Variants in UTP14A observed in about 807,000 individuals in gnomAD.
The protein encoded by UTP14A is U3 small nucleolar RNA-associated protein 14 homolog A.
In UTP14A, 5 loss-of-function variants were observed where a neutral mutation model predicts 57.2. The ratio of observed to expected loss-of-function variants is 0.09; its 90% CI spans 0.05 to 0.18. The LOEUF (loss-of-function observed/expected upper bound fraction) is 0.18. Ranked by LOEUF, UTP14A falls within the 10% of genes least tolerant of loss-of-function variation. The pLI, the probability that UTP14A is intolerant of heterozygous loss-of-function variation, is 1.00. For synonymous variants in UTP14A, 169 were observed against 210.9 expected (o/e 0.80, Z 1.72); for missense variants, 430 against 562.1 (o/e 0.76, Z 2.38).
At chrX:129,926,378 C>A in intron 14 of UTP14A, 39 bp downstream of exon 14, 1 of 1,119,369 alleles carries the variant, frequency 8.9e-7, no homozygotes, top group Non-Finnish European at 1.2e-6. Context: ...CTGCTTGTTA[C>A]TGCCTGGCTC....
chrX:129,913,061 T>C (rs892253611), intron 6 of UTP14A, among the ~76,000 whole-genome samples: 1 of 111,781 alleles, frequency 8.9e-6, no homozygotes, highest in East Asian at 2.8e-4. Context: ...ACTTTTCCAA[T>C]ACACCATTGG....
In UTP14A at chrX:129,921,796, G is replaced by A. The variant is rs1929927232; in HGVS notation, c.1348+209G>A. On this transcript the variant is annotated intron_variant, in intron 11 of 14. Coordinates refer to ENST00000394422, the MANE Select transcript of UTP14A (RefSeq NM_006649.4). ...TTAATAAGCAGTCATCTGCATGGCC[G>A]TGCAACGTGGTTCAGGCACATTTTC... 2.4e-5 allele frequency: 10 copies of A among 408,263 alleles called. No homozygotes were observed. In the South Asian group the frequency reaches 3.0e-4, roughly 12 times the overall value. 33.6% of individuals were successfully genotyped at this position (408,263 alleles called of 1,213,427 possible).
At chrX:129,908,855 C>A in intron 4 of UTP14A, 121 bp downstream of exon 4, 1 of 636,761 alleles carries the variant, frequency 1.6e-6, no homozygotes, top group Non-Finnish European at 2.5e-6. Flanking sequence ...CCATAAATAC[C>A]TGGGAGAGTG....
At chrX:129,925,847 C>T (rs1431577669) in intron 12 of UTP14A, 72 bp from the exon 13 acceptor site, 11 of 1,160,288 alleles carry the variant, frequency 9.5e-6, no homozygotes, top group African/African-American at 5.3e-5. Context: ...TGTCACGACC[C>T]GAAATTCAAG....
intron 6 of UTP14A, among the ~76,000 whole-genome samples, chrX:129,918,561 A>C (rs1386824836): frequency 8.9e-6 from 1 of 111,760 alleles, no homozygotes; most frequent in African/African-American, 3.3e-5. Flanking sequence ...GATTCTTAAG[A>C]GAATGGAAAT....
intron 14 of UTP14A, among the ~76,000 whole-genome samples, chrX:129,928,538 G>C (rs1313136167): frequency 9.1e-6 from 1 of 109,641 alleles, no homozygotes; most frequent in East Asian, 2.9e-4. Flanking sequence ...GGTGGATCAC[G>C]AGGTCAGGAG....
chrX:129,907,090 G>C (rs1303046862), intron 1 of UTP14A, among the ~76,000 whole-genome samples: 6 of 108,980 alleles, frequency 5.5e-5, no homozygotes, highest in African/African-American at 2.0e-4. Context: ...TTTGAAGTCA[G>C]GCATCACTCT....
intron 6 of UTP14A, among the ~76,000 whole-genome samples, chrX:129,916,518 C>G (rs1826317271): frequency 9.0e-6 from 1 of 111,602 alleles, no homozygotes; most frequent in Admixed American, 9.6e-5. Context: ...CCCTCTCCGC[C>G]AGCTTATACA....
intron 14 of UTP14A, 71 bp downstream of exon 14, chrX:129,926,410 T>G (rs889639716): frequency 1.1e-6 from 1 of 907,102 alleles, no homozygotes. Flanking sequence ...AGGAGTATTC[T>G]AGTGATCTGT....
chrX:129,916,141 A>AG (rs1432128084), intron 6 of UTP14A, among the ~76,000 whole-genome samples: 2 of 109,390 alleles, frequency 1.8e-5, no homozygotes, highest in Non-Finnish European at 3.8e-5. Flanking sequence ...TTTTTAGTAG[A>AG]GACGGGGTTT....
chrX:129,922,499 T>G (rs1459470944), intron 11 of UTP14A: 1 of 111,721 alleles, frequency 9.0e-6, no homozygotes, highest in Non-Finnish European at 1.9e-5. Context: ...CATACCTTAC[T>G]GCAGCCTAAG....
chrX:129,906,258 G>A, intron 1 of UTP14A, 22 bp downstream of exon 1: 2 of 1,195,860 alleles, frequency 1.7e-6, no homozygotes, highest in East Asian at 3.0e-5. Context: ...CGAGGGGAGG[G>A]GGGATTCTGG....
Position 129,919,413 on chromosome X carries a change from G to C in UTP14A, c.676G>C (p.Glu226Gln). 1 of 1,212,027 alleles carries C rather than the reference G, an allele frequency of 8.3e-7. No homozygotes were observed. Among genetic ancestry groups the C allele is most frequent in the Non-Finnish European group, 1.1e-6 (1 of 895,600 alleles). Residue 226 changes from glutamate to glutamine, a missense_variant, in exon 8 of 15, where the codon GAG (glutamate) becomes CAG (glutamine). Physicochemically the swap from Glu to Gln is conservative, Grantham distance 29. Coordinates refer to ENST00000394422, the MANE Select transcript of UTP14A (RefSeq NM_006649.4). The stretch of plus-strand genomic sequence containing the variant: ...GTTGTAGGCAAAGATGCGACGAGCA[G>C]AGCTTCAGAGGGCTCGGGCTCTGCA... Reference protein sequence around the residue: ...SLEEAKMRRAELQRARALQSY... With the variant: ...SLEEAKMRRAQLQRARALQSY...
Position 129,921,401 on chromosome X carries a change from G to A in UTP14A, c.1162G>A (p.Ala388Thr), listed in dbSNP as rs748040973. 14 of 1,211,873 alleles carry A rather than the reference G, an allele frequency of 1.2e-5. No individual in the cohort carries two copies. The highest frequency in any genetic ancestry group is 1.5e-5 in the Non-Finnish European group (13 of 895,534). Residue 388 changes from alanine (A) to threonine (T), a missense_variant, in exon 11 of 15, where the codon GCA becomes ACA. Around this residue, in one of 4 missense-constraint regions of UTP14A, gnomAD observed 83 missense variants for 140.4 expected, o/e 0.59. Transcript: ENST00000394422. ...CTGCACCAGTGACACCAAAGAGGCT[G>A]CAACCCAGGAGGACCCTGAGCAACT... Reference protein sequence around the residue: ...RSCTSDTKEAATQEDPEQLPE... With the variant: ...RSCTSDTKEATTQEDPEQLPE...
In UTP14A at chrX:129,911,890, C is replaced by T; in HGVS notation, c.506C>T (p.Ala169Val). 2.5e-6 allele frequency: 3 copies of T among 1,211,552 alleles called. No individual in the cohort carries two copies. Among genetic ancestry groups the T allele is most frequent in the Non-Finnish European group, 3.4e-6 (3 of 895,468 alleles). Residue 169 changes from alanine to valine, a missense_variant, in exon 6 of 15, where the codon GCT becomes GTT. This residue lies in a region of UTP14A where 145 missense variants were observed against 153.5 expected (regional missense o/e 0.94). Coordinates refer to ENST00000394422, the MANE Select transcript of UTP14A (RefSeq NM_006649.4). ...CTGGAGAAAGAGGAGCCAGCCATTG[C>T]TCCCATTGAACATGTGCTCAGTGGC... ...FPLEKEEPAI[A>V]PIEHVLSGWK...
In UTP14A at chrX:129,924,786, T is replaced by G; in HGVS notation, c.1349-9T>G. The G allele has an allele frequency of 3.4e-6, 4 of 1,189,856 alleles. No homozygotes were observed. Among genetic ancestry groups the G allele is most frequent in the Non-Finnish European group, 4.5e-6 (4 of 888,554 alleles). ...ATTTTCTGACAGTTTTCATTCTTTT[T>G]TCCCCCAGATTCTGGCAGCCAGGAG... On this transcript the variant is annotated splice_polypyrimidine_tract_variant and intron_variant, in intron 11 of 14. Transcript: ENST00000394422.
rs1929912623 is a variant in UTP14A at position 129,921,521 on chromosome X, C to A, written c.1282C>A (p.Arg428=). 2 of 1,211,014 alleles carry A rather than the reference C, an allele frequency of 1.7e-6. No individual in the cohort carries two copies. The highest frequency in any genetic ancestry group is 2.2e-6 in the Non-Finnish European group (2 of 895,338). The stretch of plus-strand genomic sequence containing the variant: ...TTTGTTGAGAGAATTTGAGGAAAGG[C>A]GATCCCTTAGAAAAAGATCTGAGCT... ...EILLREFEER[R]SLRKRSELSQ... Residue 428 remains arginine, a synonymous_variant, in exon 11 of 15, where the codon CGA becomes AGA. Transcript: ENST00000394422.
chrX:129,920,610 C>G, intron 9 of UTP14A, 30 bp downstream of exon 9: 1 of 1,207,928 alleles, frequency 8.3e-7, no homozygotes, highest in Non-Finnish European at 1.1e-6. Context: ...CACCCCCACC[C>G]CTTTGAACCA....
chrX:129,921,144 T>C (rs1206932661), intron 10 of UTP14A, 50 bp from the exon 11 acceptor site: 2 of 1,162,273 alleles, frequency 1.7e-6, no homozygotes, highest in South Asian at 2.0e-5. Flanking sequence ...GGAAAGGTGT[T>C]ATTGCGGTCA....
Sources: gnomAD v4.1 joint callset for allele counts (sites outside exome capture counted in the v4.1 genomes callset) on GRCh38, gnomAD v4.1.1 for gene constraint, gnomAD v4.1.1 regional missense constraint, MANE v1.5 for transcripts, NCBI Gene and HGNC (gene_info 2026-07-23, HGNC 2026-07-21) for gene names.